DMD: variants seen among roughly 807,000 people sequenced by gnomAD.
DMD encodes the protein dystrophin.
DMD carries 63 observed loss-of-function variants against 330.1 expected under a neutral mutation model. That is an observed-to-expected ratio of 0.19 (90% CI 0.16 to 0.24). The LOEUF (loss-of-function observed/expected upper bound fraction) is 0.24. Among genes scored for constraint, DMD ranks in the 10% least tolerant of loss-of-function variants. The pLI is 1.00. For missense variants in DMD, 3,344 were observed against 2,684.1 expected (o/e 1.25, Z -5.43); for synonymous variants, 1,223 against 959.8 (o/e 1.27, Z -5.07).
chrX:31,442,634 C>T (rs2065027382), intron 60 of DMD, among the ~76,000 whole-genome samples: 1 of 111,259 alleles, frequency 9.0e-6, no homozygotes, highest in South Asian at 3.8e-4. Context: ...TTACCACGTT[C>T]TGAAAGCAAA....
At chrX:33,235,487 T>C (rs181560213) in intron 1 of DMD, among the ~76,000 whole-genome samples, 13 of 112,331 alleles carry the variant, frequency 1.2e-4, no homozygotes, top group African/African-American at 4.2e-4. Flanking sequence ...GTGTATAGCG[T>C]TTAGGGGTAT....
intron 4 of DMD, among the ~76,000 whole-genome samples, chrX:32,838,015 T>C (rs1266695384): frequency 8.9e-6 from 1 of 112,054 alleles, no homozygotes; most frequent in Non-Finnish European, 1.9e-5. Context: ...ATACAGAAAA[T>C]CACTATTAAA....
chrX:31,173,693 G>T, intron 71 of DMD, 89 bp from the exon 72 acceptor site: 2 of 777,395 alleles, frequency 2.6e-6, no homozygotes, highest in Non-Finnish European at 3.8e-6. Flanking sequence ...ACATGGCCTA[G>T]AATGCTTTTA....
chrX:33,145,884 T>C (rs1021963154), intron 1 of DMD, among the ~76,000 whole-genome samples: 12 of 109,874 alleles, frequency 1.1e-4, no homozygotes, highest in Non-Finnish European at 1.9e-4. Context: ...CTTTCTTTTT[T>C]CCTTTATTTA....
In DMD at chrX:32,905,048, A is replaced by G. The variant is rs771902645; in HGVS notation, c.94-55228T>C. On this transcript the variant is annotated intron_variant, in intron 2 of 78. Transcript: ENST00000357033. ...GTACACATCCCTATATTGGGACCAT[A>G]TGACCTTCCACAAAGAAACAATCTT... 1.3e-4 allele frequency among the ~76,000 whole-genome samples: 15 copies of G among 112,417 alleles called. No homozygotes were observed. The South Asian group carries it at 5.5e-3, about 41-fold the overall frequency.
intron 42 of DMD, among the ~76,000 whole-genome samples, chrX:32,301,522 G>T (rs1430720467): frequency 9.1e-6 from 1 of 110,464 alleles, no homozygotes; most frequent in African/African-American, 3.3e-5. Flanking sequence ...ATAAGATATT[G>T]CCAATATTTA....
intron 2 of DMD, among the ~76,000 whole-genome samples, chrX:32,932,000 A>C (rs868458649): frequency 2.9e-4 from 32 of 112,026 alleles, no homozygotes; most frequent in Middle Eastern, 9.2e-3. Context: ...ATGAGGGTCT[A>C]GAAAATCTAT....
At chrX:33,096,006 GCT>G (rs1255934049) in intron 1 of DMD, among the ~76,000 whole-genome samples, 1 of 74,365 alleles carries the variant, frequency 1.3e-5, no homozygotes, top group Non-Finnish European at 2.3e-5. Flanking sequence ...ATGGAGTCTC[GCT>G]CTGTCACCCA....
At chrX:31,875,850 G>A (rs1394789565) in intron 47 of DMD, among the ~76,000 whole-genome samples, 1 of 112,279 alleles carries the variant, frequency 8.9e-6, no homozygotes, top group African/African-American at 3.2e-5. Flanking sequence ...TTTATTCAAT[G>A]CGCATCCTAA....
At chrX:32,623,782 C>A (rs2058160627) in intron 11 of DMD, among the ~76,000 whole-genome samples, 1 of 111,379 alleles carries the variant, frequency 9.0e-6, no homozygotes, top group African/African-American at 3.3e-5. Flanking sequence ...CTGCCTCGAC[C>A]TCCCAAAGTT....
At chrX:32,697,730 A>C in intron 9 of DMD, 140 bp downstream of exon 9, 1 of 761,926 alleles carries the variant, frequency 1.3e-6, no homozygotes, top group Non-Finnish European at 1.9e-6. Flanking sequence ...ACATGAGGGA[A>C]TCAATAAAAC....
At chrX:32,866,037 C>G (rs2082453067) in intron 2 of DMD, among the ~76,000 whole-genome samples, 1 of 112,413 alleles carries the variant, frequency 8.9e-6, no homozygotes, top group African/African-American at 3.2e-5. Context: ...CAAATGTAGA[C>G]CTCAAAAGGG....
intron 43 of DMD, among the ~76,000 whole-genome samples, chrX:32,241,109 G>A (rs184428338): frequency 4.7e-4 from 53 of 111,709 alleles, no homozygotes; most frequent in African/African-American, 1.3e-3. Flanking sequence ...TTCCCTTAGC[G>A]TAATCTTTGA....
rs368709251 is a variant in DMD, at chrX:32,741,945, T to A, written c.650-42652A>T. On this transcript the variant is annotated intron_variant, in intron 7 of 78. Transcript: ENST00000357033. ...AGATTGGTGCAACAGTAATTGCATT[T>A]TCTTGCCATTGAAAGTAATGGCAAA... 2.7e-5 allele frequency among the ~76,000 whole-genome samples: 3 copies of A among 112,147 alleles called. No individual in the cohort carries two copies. In the East Asian group the frequency reaches 8.5e-4, roughly 32 times the overall value.
chrX:31,269,585 T>C (rs1429998301), intron 62 of DMD, among the ~76,000 whole-genome samples: 1 of 112,100 alleles, frequency 8.9e-6, no homozygotes, highest in Non-Finnish European at 1.9e-5. Flanking sequence ...CTTCTTTTCC[T>C]GTGAGAAAGG....
At chrX:31,259,894 C>T (rs905926554) in intron 63 of DMD, among the ~76,000 whole-genome samples, 2 of 110,630 alleles carry the variant, frequency 1.8e-5, no homozygotes, top group Admixed American at 9.7e-5. Context: ...CTGATTCCCA[C>T]AGTGTTCATC....
chrX:31,126,802 G>GTA lies in DMD; in HGVS notation c.11015-130_11015-129insTA, dbSNP rs1263082892. 3 of 152,938 alleles carry GTA rather than the reference G, an allele frequency of 2.0e-5. No homozygotes were observed. In the East Asian group the frequency reaches 3.2e-4, roughly 17 times the overall value. 12.6% of individuals were successfully genotyped at this position (152,938 alleles called of 1,213,427 possible). A position where few individuals can be genotyped will look rare whatever the true frequency, so the allele number is the denominator to read the frequency against. ...TTGAGATGACCATTTATTCTCTGCTGGAAAAAAAAAAAAAAAAAAAAACAG... is the reference window on the plus strand; with the variant it reads ...TTGAGATGACCATTTATTCTCTGCTGTAGAAAAAAAAAAAAAAAAAAAAACAG... On this transcript the variant is annotated intron_variant, in intron 77 of 78. Coordinates refer to ENST00000357033, the MANE Select transcript of DMD (RefSeq NM_004006.3).
rs550368526 is a variant in DMD at position 32,385,435 on chromosome X, T to A, written c.4674+875A>T. Among the ~76,000 whole-genome samples, 25 of 110,977 alleles carry A rather than the reference T, an allele frequency of 2.3e-4. No individual in the cohort carries two copies. The South Asian group carries it at 9.0e-3, about 40-fold the overall frequency. On this transcript the variant is annotated intron_variant, in intron 33 of 78. Coordinates refer to ENST00000357033, the MANE Select transcript of DMD (RefSeq NM_004006.3). ...ACTCAAGACTTAAAACCTGAACCTA[T>A]AAAATGATTTGAAGAAAACAGGAAA...
intron 55 of DMD, among the ~76,000 whole-genome samples, chrX:31,618,637 T>C (rs753276123): frequency 8.9e-6 from 1 of 112,045 alleles, no homozygotes; most frequent in South Asian, 3.7e-4. Flanking sequence ...GTAGAGTTGG[T>C]AGAAGATCAG....
Sources: allele counts gnomAD v4.1 joint callset (sites outside exome capture counted in the v4.1 genomes callset), GRCh38; gene constraint gnomAD v4.1.1; transcripts MANE v1.5; gene names NCBI Gene and HGNC (gene_info 2026-07-23, HGNC 2026-07-21).